Variants in PCDHGA1 observed in about 807,000 individuals in gnomAD.
PCDHGA1 encodes protocadherin gamma-A1.
A neutral mutation model predicts 58.0 loss-of-function variants in PCDHGA1; 32 were observed. The observed-to-expected ratio is 0.55, with a 90% CI of 0.42 to 0.74. The LOEUF is 0.74. Among genes scored for constraint, PCDHGA1 ranks in the 30% least tolerant of loss-of-function variants. The pLI, the probability that PCDHGA1 is intolerant of heterozygous loss-of-function variation, is 0.00. For missense variants in PCDHGA1, 1,205 were observed against 1,182.3 expected (o/e 1.02, Z -0.28); for synonymous variants, 498 against 501.1 (o/e 0.99, Z 0.08).
intron 3 of PCDHGA1, among the ~76,000 whole-genome samples, chr5:141,510,208 G>A (rs560746333): frequency 2.0e-5 from 3 of 151,866 alleles, no homozygotes; most frequent in Admixed American, 1.3e-4. Context: ...AGGAGGCAGA[G>A]GTTGCAGTGA....
In PCDHGA1 at chr5:141,477,650, A is replaced by G. The variant is rs199931735; in HGVS notation, c.2422-17157A>G. ...CGGGCTAGTGGGTCGCTATTTCACA[A>G]TAAATCGTGACAATGGCATAGTGTC... On this transcript the variant is annotated intron_variant, in intron 1 of 3. Transcript: ENST00000517417. This position sits in a 1 kb window ranked among gnomAD's most constrained non-coding sequence, Gnocchi z 4.9. The G allele has an allele frequency of 6.2e-6, 10 of 1,614,212 alleles. No individual in the cohort carries two copies. The highest frequency in any genetic ancestry group is 2.2e-5 in the East Asian group (1 of 44,888).
In PCDHGA1 at chr5:141,332,537, C is replaced by T. The variant is rs984085565; in HGVS notation, c.1853C>T (p.Ser618Leu). 4.1e-5 allele frequency: 66 copies of T among 1,612,664 alleles called. No individual in the cohort carries two copies. Among genetic ancestry groups the T allele is most frequent in the Non-Finnish European group, 5.4e-5 (64 of 1,179,924 alleles). Residue 618 changes from serine to leucine, a missense_variant, in exon 1 of 4, where the codon TCG (serine) becomes TTG (leucine). Ser to Leu is a moderately radical substitution (Grantham distance 145). Coordinates refer to ENST00000517417, the MANE Select transcript of PCDHGA1 (RefSeq NM_018912.3). This position sits in a 1 kb window ranked among gnomAD's most constrained non-coding sequence, Gnocchi z 4.6. Reference sequence around the variant, plus strand: ...AAGGCCAGCGAGCCGGGACTCTTCTCGGTGGGTCTGCACACGGGCGAGGTG... The same window carrying T: ...AAGGCCAGCGAGCCGGGACTCTTCTTGGTGGGTCTGCACACGGGCGAGGTG... The part of the protein sequence containing the change: ...LLKASEPGLF[S>L]VGLHTGEVRT...
At position 141,331,757 on chromosome 5, in the gene PCDHGA1, A is replaced by G. The variant is rs372851315; in HGVS notation, c.1073A>G (p.Glu358Gly). 2.0e-5 allele frequency: 33 copies of G among 1,614,062 alleles called. No homozygotes were observed. Among genetic ancestry groups the G allele is most frequent in the Non-Finnish European group, 2.7e-5 (32 of 1,180,042 alleles). ...ACCTCTGTCACCACTGCAGTTCCAG[A>G]AAACTTTCCTCCTGGGACCATAATT... ...TITSVTTAVP[E>G]NFPPGTIIAL... is the part of the protein sequence containing the mutation. Residue 358 changes from glutamate (E) to glycine (G), a missense_variant, in exon 1 of 4, where the codon GAA becomes GGA. By Grantham distance (98) the Glu-to-Gly change is moderately conservative. Coordinates refer to ENST00000517417, the MANE Select transcript of PCDHGA1 (RefSeq NM_018912.3).
At chr5:141,433,358 C>CCTAA (rs1554125965) in intron 1 of PCDHGA1, 1 of 503,368 alleles carries the variant, frequency 2.0e-6, no homozygotes, top group Non-Finnish European at 3.5e-6. Flanking sequence ...CTACTGTCTG[C>CCTAA]CTATCTATCT....
At position 141,460,912 on chromosome 5, in the gene PCDHGA1, G is replaced by GTA. The variant is rs34683754; in HGVS notation, c.2422-33883_2422-33882dup. ...TCGTGGCTGAGTAATATTCCATGGT[G>GTA]TATATATATATATGTGTGTGTGTAT... On this transcript the variant is annotated intron_variant, in intron 1 of 3. Coordinates refer to ENST00000517417, the MANE Select transcript of PCDHGA1 (RefSeq NM_018912.3). Among the ~76,000 whole-genome samples, 731 of 149,318 alleles carry GTA rather than the reference G, an allele frequency of 4.9e-3. 9 individuals carry two copies. Among genetic ancestry groups the GTA allele is most frequent in the African/African-American group, 0.016 (631 of 40,624 alleles).
intron 1 of PCDHGA1, chr5:141,392,803 G>A: frequency 6.4e-7 from 1 of 1,573,156 alleles, no homozygotes. Context: ...GGATTCTGCA[G>A]CAAAACAACA....
intron 1 of PCDHGA1, among the ~76,000 whole-genome samples, chr5:141,460,684 T>C (rs1417815686): frequency 6.6e-6 from 1 of 152,074 alleles, no homozygotes; most frequent in Non-Finnish European, 1.5e-5. Context: ...TATCTATATA[T>C]CCACCAACAG....
At chr5:141,460,961 ATGTGTG>A (rs35821115) in intron 1 of PCDHGA1, among the ~76,000 whole-genome samples, 6 of 144,616 alleles carry the variant, frequency 4.1e-5, no homozygotes, top group South Asian at 4.4e-4. Flanking sequence ...GTATATATAT[ATGTGTG>A]TGTGTGTGTG....
chr5:141,374,122 G>C, intron 1 of PCDHGA1: 5 of 1,597,596 alleles, frequency 3.1e-6, no homozygotes, highest in Non-Finnish European at 4.3e-6. Context: ...GCAGCGAGCA[G>C]GTCCTGCTCC....
intron 1 of PCDHGA1, among the ~76,000 whole-genome samples, chr5:141,358,604 T>C (rs1760964834): frequency 1.3e-5 from 2 of 152,226 alleles, no homozygotes; most frequent in South Asian, 2.1e-4. Context: ...CCTGTGATTA[T>C]GAGAAATATT....
chr5:141,395,177 T>A (rs1325466781), intron 1 of PCDHGA1: 1 of 1,614,120 alleles, frequency 6.2e-7, no homozygotes, highest in Non-Finnish European at 8.5e-7. Context: ...GTGAGAAAAA[T>A]GATTCTTTGT....
At chr5:141,376,493 C>A in intron 1 of PCDHGA1, 1 of 1,614,130 alleles carries the variant, frequency 6.2e-7, no homozygotes, top group South Asian at 1.1e-5. Flanking sequence ...GAAAGGAGAA[C>A]CCAGGCAACT....
rs529134948 is a variant in PCDHGA1, at chr5:141,368,813, A to C, written c.2421+35708A>C. Among the ~76,000 whole-genome samples, 5 of 152,322 alleles carry C rather than the reference A, an allele frequency of 3.3e-5. No individual in the cohort carries two copies. In the East Asian group the frequency reaches 7.7e-4, roughly 24 times the overall value. ...ATTTTTCATACTAATTGAAGTGTTC[A>C]TACAATGAACACTTGGCATTGTGTT... On this transcript the variant is annotated intron_variant, in intron 1 of 3. Coordinates refer to ENST00000517417, the MANE Select transcript of PCDHGA1 (RefSeq NM_018912.3).
intron 1 of PCDHGA1, among the ~76,000 whole-genome samples, chr5:141,402,022 T>A (rs1170426258): frequency 6.6e-6 from 1 of 152,210 alleles, no homozygotes; most frequent in East Asian, 1.9e-4. Context: ...TTTGAATCAT[T>A]GAAACACAGT....
intron 1 of PCDHGA1, among the ~76,000 whole-genome samples, chr5:141,464,263 T>TA (rs35224477): frequency 7.1e-4 from 74 of 103,538 alleles, no homozygotes; most frequent in East Asian, 1.9e-3. Flanking sequence ...AGACTCCGTC[T>TA]AAAAAAAAAA....
At chr5:141,356,243 C>T in intron 1 of PCDHGA1, 1 of 1,581,974 alleles carries the variant, frequency 6.3e-7, no homozygotes, top group Non-Finnish European at 8.6e-7. Flanking sequence ...CCAGAAGTCA[C>T]AGTTACATCT....
chr5:141,356,661 C>G, intron 1 of PCDHGA1: 1 of 1,614,052 alleles, frequency 6.2e-7, no homozygotes, highest in Non-Finnish European at 8.5e-7. Flanking sequence ...ATGCCCGAAT[C>G]ACTTACTCCC....
chr5:141,445,305 T>C (rs899306819), intron 1 of PCDHGA1, among the ~76,000 whole-genome samples: 2 of 152,204 alleles, frequency 1.3e-5, no homozygotes, highest in Non-Finnish European at 1.5e-5. Context: ...TCTCTTCAGT[T>C]TGTAGGTTGA....
At chr5:141,449,567 C>T (rs1412647192) in intron 1 of PCDHGA1, among the ~76,000 whole-genome samples, 2 of 133,846 alleles carry the variant, frequency 1.5e-5, no homozygotes, top group Non-Finnish European at 3.1e-5. Context: ...CCAGCCTGGG[C>T]GACAGAGCAA....
Sources: gnomAD v4.1 joint callset for allele counts (sites outside exome capture counted in the v4.1 genomes callset) on GRCh38, gnomAD v4.1.1 for gene constraint, Gnocchi (gnomAD v3.1) non-coding constraint, MANE v1.5 for transcripts, NCBI Gene and HGNC (gene_info 2026-07-23, HGNC 2026-07-21) for gene names.